LRFN5: variants seen among roughly 807,000 people sequenced by gnomAD.
The protein encoded by LRFN5 is leucine rich repeat and fibronectin type III domain containing 5, also known as leucine-rich repeat and fibronectin type-III domain-containing protein 5.
LRFN5 carries 24 observed loss-of-function variants against 45.6 expected under a neutral mutation model. That is an observed-to-expected ratio of 0.53 (90% CI 0.38 to 0.74). The LOEUF (loss-of-function observed/expected upper bound fraction) is 0.74, where lower values mean the gene tolerates loss of function less well. Among genes scored for constraint, LRFN5 ranks in the 30% least tolerant of loss-of-function variants. The pLI, the probability that LRFN5 is intolerant of heterozygous loss-of-function variation, is 0.00. For synonymous variants in LRFN5, 340 were observed against 313.8 expected (o/e 1.08, Z -0.88); for missense variants, 776 against 861.5 (o/e 0.90, Z 1.24).
intron 1 of LRFN5, among the ~76,000 whole-genome samples, chr14:41,634,720 C>T (rs148306344): frequency 0.01 from 1,523 of 152,182 alleles, 9 homozygotes; most frequent in Middle Eastern, 0.017. Flanking sequence ...TAAATTGAAT[C>T]CTAATGCTGT....
intron 2 of LRFN5, among the ~76,000 whole-genome samples, chr14:41,777,625 C>T (rs572955584): frequency 1.1e-3 from 172 of 151,790 alleles, no homozygotes; most frequent in Middle Eastern, 6.8e-3. Flanking sequence ...ATTTTTTCAT[C>T]ATCTAATTGA....
intron 1 of LRFN5, among the ~76,000 whole-genome samples, chr14:41,749,791 T>G (rs781562580): frequency 6.6e-6 from 1 of 152,148 alleles, no homozygotes; most frequent in Non-Finnish European, 1.5e-5. Context: ...ATCCTTCATA[T>G]GTACCTCCAA....
At chr14:41,880,197 G>A (rs948078404) in intron 2 of LRFN5, among the ~76,000 whole-genome samples, 5 of 151,776 alleles carry the variant, frequency 3.3e-5, no homozygotes, top group African/African-American at 1.2e-4. Context: ...AAAGTGCTGG[G>A]ATTACAGGTG....
chr14:41,638,753 A>G (rs78913583), intron 1 of LRFN5, among the ~76,000 whole-genome samples: 3,261 of 152,182 alleles, frequency 0.021, 105 homozygotes, highest in African/African-American at 0.071. Flanking sequence ...TTATAACATA[A>G]ACTAAATTAT....
intron 1 of LRFN5, among the ~76,000 whole-genome samples, chr14:41,714,898 C>A (rs1566633199): frequency 6.7e-6 from 1 of 149,140 alleles, no homozygotes; most frequent in Non-Finnish European, 1.5e-5. Context: ...AAGTAAGACC[C>A]TATTTTTTTA....
chr14:41,776,321 G>T (rs1314996200), intron 2 of LRFN5, among the ~76,000 whole-genome samples: 3 of 152,090 alleles, frequency 2.0e-5, no homozygotes, highest in African/African-American at 4.8e-5. Flanking sequence ...GATAAGGAAG[G>T]TATTGAAGGA....
At chr14:41,613,941 C>T (rs1887846105) in intron 1 of LRFN5, among the ~76,000 whole-genome samples, 1 of 151,970 alleles carries the variant, frequency 6.6e-6, no homozygotes, top group South Asian at 2.1e-4. Flanking sequence ...TTTCTATCTT[C>T]AAGTAGGTTT....
chr14:41,729,806 AT>A (rs1037696425), intron 1 of LRFN5, among the ~76,000 whole-genome samples: 5 of 151,902 alleles, frequency 3.3e-5, no homozygotes, highest in Admixed American at 6.6e-5. Flanking sequence ...TATAATATTC[AT>A]TTTTTTAAAA....
chr14:41,876,542 C>T (rs1267530587), intron 2 of LRFN5, among the ~76,000 whole-genome samples: 6 of 151,774 alleles, frequency 4.0e-5, no homozygotes, highest in Non-Finnish European at 7.4e-5. Flanking sequence ...GTGATCCACC[C>T]GCCTTGGCCT....
intron 1 of LRFN5, among the ~76,000 whole-genome samples, chr14:41,734,029 CTT>C (rs58623215): frequency 1.6e-5 from 2 of 123,878 alleles, no homozygotes; most frequent in Admixed American, 8.5e-5. Context: ...CTTTTCTTTT[CTT>C]TTTTTTTTTT....
intron 2 of LRFN5, among the ~76,000 whole-genome samples, chr14:41,839,094 C>T (rs1888766926): frequency 1.3e-5 from 2 of 152,214 alleles, no homozygotes; most frequent in South Asian, 4.1e-4. Context: ...ATAGTGTATT[C>T]TACCTACTAC....
At chr14:41,823,917 C>T (rs556831498) in intron 2 of LRFN5, among the ~76,000 whole-genome samples, 110 of 152,176 alleles carry the variant, frequency 7.2e-4, no homozygotes, top group Middle Eastern at 6.8e-3. Flanking sequence ...AAAGACCTGT[C>T]TTTAAGTTCT....
chr14:41,636,585 G>A (rs561011717), intron 1 of LRFN5, among the ~76,000 whole-genome samples: 16 of 151,714 alleles, frequency 1.1e-4, no homozygotes, highest in African/African-American at 2.2e-4. Context: ...TGCAGGTTGC[G>A]CATATGTACC....
chr14:41,866,180 A>G (rs185168923), intron 2 of LRFN5, among the ~76,000 whole-genome samples: 2 of 152,286 alleles, frequency 1.3e-5, no homozygotes, highest in East Asian at 1.9e-4. Context: ...ATGGGGTTAG[A>G]TATTACATTT....
At chr14:41,656,248 A>G (rs763430370) in intron 1 of LRFN5, among the ~76,000 whole-genome samples, 115 of 152,002 alleles carry the variant, frequency 7.6e-4, no homozygotes, top group Non-Finnish European at 1.4e-3. Context: ...AAATATCCAG[A>G]TTCAAAAATG....
chr14:41,867,243 T>A (rs1325353878), intron 2 of LRFN5, among the ~76,000 whole-genome samples: 1 of 152,098 alleles, frequency 6.6e-6, no homozygotes, highest in Non-Finnish European at 1.5e-5. Context: ...GTTCTTTGAC[T>A]CTTGATGATT....
At chr14:41,843,867 G>A (rs1029315175) in intron 2 of LRFN5, among the ~76,000 whole-genome samples, 6 of 152,068 alleles carry the variant, frequency 3.9e-5, no homozygotes, top group Non-Finnish European at 4.4e-5. Flanking sequence ...TCATAAACAA[G>A]TAACAATATA....
intron 2 of LRFN5, among the ~76,000 whole-genome samples, chr14:41,789,519 T>C (rs1356250506): frequency 1.3e-5 from 2 of 151,956 alleles, no homozygotes; most frequent in Non-Finnish European, 2.9e-5. Context: ...AATGCACACA[T>C]GCCCTTTGGA....
At chr14:41,844,203 C>T (rs1332311650) in intron 2 of LRFN5, among the ~76,000 whole-genome samples, 1 of 152,020 alleles carries the variant, frequency 6.6e-6, no homozygotes, top group East Asian at 1.9e-4. Context: ...TTTGGGAGGC[C>T]AAGGTGGGCG....
Sources: allele counts gnomAD v4.1 joint callset (sites outside exome capture counted in the v4.1 genomes callset), GRCh38; gene constraint gnomAD v4.1.1; transcripts MANE v1.5; gene names NCBI Gene and HGNC (gene_info 2026-07-23, HGNC 2026-07-21).